The following TRIM71 variants were observed in gnomAD, a reference collection of about 807,000 sequenced individuals.
TRIM71 encodes the protein E3 ubiquitin-protein ligase TRIM71.
A neutral mutation model predicts 61.2 loss-of-function variants in TRIM71; 9 were observed. The observed-to-expected ratio is 0.15, with a 90% CI of 0.09 to 0.26. The LOEUF is 0.26. Among genes scored for constraint, TRIM71 ranks in the 10% least tolerant of loss-of-function variants. The pLI, the probability that TRIM71 is intolerant of heterozygous loss-of-function variation, is 1.00. For missense variants in TRIM71, 998 were observed against 1,238.7 expected (o/e 0.81, Z 2.92); for synonymous variants, 645 against 553.2 (o/e 1.17, Z -2.33).
intron 1 of TRIM71, among the ~76,000 whole-genome samples, chr3:32,852,606 G>A (rs1013222647): frequency 6.6e-6 from 1 of 152,084 alleles, no homozygotes; most frequent in Admixed American, 6.5e-5. Flanking sequence ...AGGGGATAGG[G>A]AGCCATTGAG....
At chr3:32,880,199 T>C (rs1696893325) in intron 2 of TRIM71, among the ~76,000 whole-genome samples, 2 of 151,902 alleles carry the variant, frequency 1.3e-5, no homozygotes, top group Admixed American at 1.3e-4. Context: ...CTAATTTTTG[T>C]GTTTTTAGTA....
At chr3:32,859,363 G>A (rs1310043266) in intron 1 of TRIM71, among the ~76,000 whole-genome samples, 1 of 152,090 alleles carries the variant, frequency 6.6e-6, no homozygotes, top group East Asian at 1.9e-4. Flanking sequence ...GGGTTCAAAC[G>A]ATTCTCCTGC....
In TRIM71 at chr3:32,835,041, C is replaced by A. The variant is rs368755634; in HGVS notation, c.852+16109C>A. Among the ~76,000 whole-genome samples, 9 of 151,896 alleles carry A rather than the reference C, an allele frequency of 5.9e-5. No individual in the cohort carries two copies. In the East Asian group the frequency reaches 9.6e-4, roughly 16 times the overall value. On this transcript the variant is annotated intron_variant, in intron 1 of 3. Coordinates refer to ENST00000383763, the MANE Select transcript of TRIM71 (RefSeq NM_001039111.3). ...GAGATGTAAAACCAATTGTCTTCCC[C>A]ATCAAAAAAGGTATGTAAAACATCA...
chr3:32,841,298 C>T (rs1559540497), intron 1 of TRIM71, among the ~76,000 whole-genome samples: 4 of 151,960 alleles, frequency 2.6e-5, no homozygotes, highest in Admixed American at 1.3e-4. Flanking sequence ...GAAATGTGTG[C>T]CCTGATTGTA....
chr3:32,891,857 T>TC lies in TRIM71; in HGVS notation c.*47dup. 6.9e-7 allele frequency: 1 copy of TC among 1,440,072 alleles called. No homozygotes were observed. Among genetic ancestry groups the TC allele is most frequent in the Non-Finnish European group, 9.6e-7 (1 of 1,045,132 alleles). 89.2% of individuals were successfully genotyped at this position (1,440,072 alleles called of 1,614,324 possible). On this transcript the variant is annotated 3_prime_UTR_variant, in exon 4 of 4. Transcript: ENST00000383763. This position sits in a 1 kb window ranked among gnomAD's most constrained non-coding sequence, Gnocchi z 8.2. ...TGTTTGGGGTGTGTGTGCGTGTCTC[T>TC]CTCTCTCTCTCTCTCTTTCTCTTTC...
intron 1 of TRIM71, among the ~76,000 whole-genome samples, chr3:32,861,260 C>T (rs1248754688): frequency 6.6e-6 from 1 of 151,104 alleles, no homozygotes; most frequent in Non-Finnish European, 1.5e-5. Flanking sequence ...TCACTGCAAC[C>T]TCCGCCTCCA....
At position 32,891,268 on chromosome 3, in the gene TRIM71, C is replaced by T. The variant is rs1436705044; in HGVS notation, c.2064C>T (p.Leu688=). Residue 688 remains leucine, a synonymous_variant, in exon 4 of 4, where the codon CTC becomes CTT. Coordinates refer to ENST00000383763, the MANE Select transcript of TRIM71 (RefSeq NM_001039111.3). This position sits in a 1 kb window ranked among gnomAD's most constrained non-coding sequence, Gnocchi z 8.2. ...QIFTFEGQFL[L]KFGEKGTKNG... Reference sequence around the variant, plus strand: ...TCACGTTCGAGGGCCAGTTCCTCCTCAAGTTTGGTGAGAAAGGAACCAAGA... The same window carrying T: ...TCACGTTCGAGGGCCAGTTCCTCCTTAAGTTTGGTGAGAAAGGAACCAAGA... 1 of 1,613,740 alleles carries T rather than the reference C, an allele frequency of 6.2e-7. No individual in the cohort carries two copies. Among genetic ancestry groups the T allele is most frequent in the Admixed American group, 1.7e-5 (1 of 60,018 alleles).
chr3:32,821,645 A>G (rs1023650742), intron 1 of TRIM71, among the ~76,000 whole-genome samples: 2 of 152,048 alleles, frequency 1.3e-5, no homozygotes, highest in Non-Finnish European at 2.9e-5. Context: ...GCTTTTCACT[A>G]GTTCTGTGCC....
At chr3:32,852,935 A>G (rs149712077) in intron 1 of TRIM71, among the ~76,000 whole-genome samples, 3 of 152,316 alleles carry the variant, frequency 2.0e-5, no homozygotes, top group Admixed American at 6.5e-5. Context: ...AATAAAAAGT[A>G]TGAAATTTTG....
chr3:32,883,753 A>G (rs1175536209), intron 2 of TRIM71, among the ~76,000 whole-genome samples: 1 of 152,220 alleles, frequency 6.6e-6, no homozygotes, highest in Non-Finnish European at 1.5e-5. Context: ...ATGTGCAAAT[A>G]TAAAATTTAT....
chr3:32,860,122 CCTCCCCTCCCCT>C (rs1696649706), intron 1 of TRIM71, among the ~76,000 whole-genome samples: 2 of 142,472 alleles, frequency 1.4e-5, no homozygotes, highest in South Asian at 2.5e-4. Context: ...CCTCTCCTCT[CCTCCCCTCCCCT>C]CTTCCCTCCC....
chr3:32,856,718 A>G (rs539347519), intron 1 of TRIM71, among the ~76,000 whole-genome samples: 45 of 152,344 alleles, frequency 3.0e-4, no homozygotes, highest in Non-Finnish European at 4.9e-4. Context: ...TCAACGAGCA[A>G]ACAAAGTAAC....
rs993305708 is a variant in TRIM71 at position 32,852,957 on chromosome 3, G to A, written c.853-20861G>A. 5.9e-5 allele frequency among the ~76,000 whole-genome samples: 9 copies of A among 152,208 alleles called. No individual in the cohort carries two copies. In the East Asian group the frequency reaches 1.5e-3, roughly 26 times the overall value. ...AGTATGAAATTTTGTTCTGTGACAT[G>A]CAAACACTTGACAGGGACCCCCTTA... is the stretch of plus-strand genomic sequence containing the variant. On this transcript the variant is annotated intron_variant, in intron 1 of 3. Transcript: ENST00000383763.
At chr3:32,885,592 A>G (rs998207829) in intron 2 of TRIM71, among the ~76,000 whole-genome samples, 4 of 152,140 alleles carry the variant, frequency 2.6e-5, no homozygotes, top group Non-Finnish European at 5.9e-5. Flanking sequence ...GTGTGGCTGG[A>G]GTTGTACATT....
At chr3:32,880,497 AT>A (rs1365785204) in intron 2 of TRIM71, among the ~76,000 whole-genome samples, 9 of 152,354 alleles carry the variant, frequency 5.9e-5, no homozygotes, top group Admixed American at 5.9e-4. Context: ...TTCCTAACTT[AT>A]GACTTTAAAG....
At chr3:32,855,175 G>C (rs895578533) in intron 1 of TRIM71, among the ~76,000 whole-genome samples, 1 of 152,132 alleles carries the variant, frequency 6.6e-6, no homozygotes, top group African/African-American at 2.4e-5. Flanking sequence ...TGGGGGTCTT[G>C]GACGTATCCC....
intron 1 of TRIM71, among the ~76,000 whole-genome samples, chr3:32,836,115 G>A (rs867194334): frequency 3.9e-5 from 6 of 151,926 alleles, no homozygotes; most frequent in South Asian, 4.2e-4. Flanking sequence ...CCCCTCCCCC[G>A]ACAGCTCCCC....
intron 1 of TRIM71, among the ~76,000 whole-genome samples, chr3:32,836,481 A>G (rs976884444): frequency 3.3e-5 from 5 of 152,232 alleles, no homozygotes; most frequent in African/African-American, 1.2e-4. Context: ...TTCTGAGGCC[A>G]TAGTTTGCCT....
rs529980601 is a variant in TRIM71 at position 32,818,021 on chromosome 3, C to T, written c.-60C>T. On this transcript the variant is annotated 5_prime_UTR_variant, in exon 1 of 4. Transcript: ENST00000383763. The stretch of plus-strand genomic sequence containing the variant: ...GACTCCCCCACCCACCTCGTCCGCT[C>T]TCTCCTCCTCCTCCTCCTCTTCCTC... 1.5e-4 allele frequency: 226 copies of T among 1,534,310 alleles called. 1 individual carries two copies. The African/African-American group carries it at 2.8e-3, about 19-fold the overall frequency.
Sources: allele counts gnomAD v4.1 joint callset (sites outside exome capture counted in the v4.1 genomes callset), GRCh38; gene constraint gnomAD v4.1.1; non-coding constraint Gnocchi (gnomAD v3.1); transcripts MANE v1.5; gene names NCBI Gene and HGNC (gene_info 2026-07-23, HGNC 2026-07-21).